Variants in PRIM2 observed in about 807,000 individuals in gnomAD.
PRIM2 encodes the protein DNA primase large subunit.
In PRIM2, 39 loss-of-function variants were observed where a neutral mutation model predicts 67.3. The observed-to-expected ratio is 0.58, with a 90% CI of 0.45 to 0.76. The LOEUF is 0.76. Ranked by LOEUF, PRIM2 falls within the 30% of genes least tolerant of loss-of-function variation. The probability of loss-of-function intolerance (pLI) is 0.00; values close to 1 mark genes in which losing one functional copy is unlikely to be tolerated. For missense variants in PRIM2, 398 were observed against 598.7 expected (o/e 0.66, Z 3.50); for synonymous variants, 143 against 198.7 (o/e 0.72, Z 2.36).
chr6:57,457,053 C>A (rs1282281784), intron 7 of PRIM2, among the ~76,000 whole-genome samples: 1 of 152,212 alleles, frequency 6.6e-6, no homozygotes, highest in Non-Finnish European at 1.5e-5. Context: ...TGGAGGTCCA[C>A]TCCAGACCCT....
intron 7 of PRIM2, among the ~76,000 whole-genome samples, chr6:57,502,146 C>T (rs1476043305): frequency 6.6e-6 from 1 of 151,996 alleles, no homozygotes. Flanking sequence ...AATTTTAAGC[C>T]CCCCAGCCAA....
At chr6:57,587,813 A>G (rs1259280540) in intron 10 of PRIM2, among the ~76,000 whole-genome samples, 1 of 152,050 alleles carries the variant, frequency 6.6e-6, no homozygotes, top group African/African-American at 2.4e-5. Flanking sequence ...GATAGATCCT[A>G]GGAAGGAACT....
the PRIM2 span, among the ~76,000 whole-genome samples, chr6:57,308,932 T>C: frequency 1.3e-5 from 2 of 150,002 alleles, no homozygotes; most frequent in African/African-American, 2.5e-5. Flanking sequence ...GTTTTTTTGT[T>C]TGTTTATTTT....
Position 57,474,878 on chromosome 6 carries a change from A to G in PRIM2, c.694-32509A>G, listed in dbSNP as rs1167107214. On this transcript the variant is annotated intron_variant, in intron 7 of 13. Transcript: ENST00000615550. ...TTTTCTCCTACCTCTGTGCACTTCA[A>G]TGCTGACACTGGCATAGAACTCCTG... is the stretch of plus-strand genomic sequence containing the variant. 3.0e-4 allele frequency among the ~76,000 whole-genome samples: 46 copies of G among 152,334 alleles called. 1 individual carries two copies. Among genetic ancestry groups the G allele is most frequent in the Admixed American group, 9.8e-4 (15 of 15,300 alleles).
chr6:57,267,511 T>C, the PRIM2 span, among the ~76,000 whole-genome samples: 1 of 152,068 alleles, frequency 6.6e-6, no homozygotes, highest in Non-Finnish European at 1.5e-5. Context: ...GTACTAATAT[T>C]ATCACTTTCT....
intron 7 of PRIM2, among the ~76,000 whole-genome samples, chr6:57,445,472 A>G (rs1378019510): frequency 1.3e-5 from 2 of 152,118 alleles, no homozygotes; most frequent in African/African-American, 4.8e-5. Flanking sequence ...AATTTTCTGT[A>G]TGTAGACCTC....
chr6:57,646,250 G>A lies in PRIM2; in HGVS notation c.*92G>A. 1.6e-6 allele frequency: 1 copy of A among 638,062 alleles called. No homozygotes were observed. Among genetic ancestry groups the A allele is most frequent in the Non-Finnish European group, 2.8e-6 (1 of 361,702 alleles). The allele number at this position is 638,062 out of a possible 1,614,324, so 39.5% of individuals were successfully genotyped here. Reference sequence around the variant, plus strand: ...AAAAAGGGTTTCACTCTGTCACCAAGGCTTAGTGCAGTGACACAATTACAG... The same window carrying A: ...AAAAAGGGTTTCACTCTGTCACCAAAGCTTAGTGCAGTGACACAATTACAG... On this transcript the variant is annotated 3_prime_UTR_variant, in exon 14 of 14. Transcript: ENST00000615550.
chr6:57,433,537 G>C (rs1253406295), intron 7 of PRIM2, among the ~76,000 whole-genome samples: 1 of 152,008 alleles, frequency 6.6e-6, no homozygotes, highest in South Asian at 2.1e-4. Flanking sequence ...GTCCACTTTC[G>C]GAATCCTTAG....
intron 7 of PRIM2, among the ~76,000 whole-genome samples, chr6:57,438,767 T>A (rs1308437539): frequency 6.7e-6 from 1 of 149,526 alleles, no homozygotes; most frequent in African/African-American, 2.5e-5. Context: ...GTTTTCGGCA[T>A]TTTTTTTTTC....
At chr6:57,358,174 A>G (rs1158343626) in intron 5 of PRIM2, among the ~76,000 whole-genome samples, 27 of 152,228 alleles carry the variant, frequency 1.8e-4, no homozygotes, top group African/African-American at 6.3e-4. Context: ...GTTTGTTCTT[A>G]GTTTGTGCTA....
At chr6:57,489,255 T>A (rs1396748867) in intron 7 of PRIM2, among the ~76,000 whole-genome samples, 1 of 152,260 alleles carries the variant, frequency 6.6e-6, no homozygotes, top group Non-Finnish European at 1.5e-5. Context: ...TGTGGTGTTT[T>A]AAAAGTGTTA....
At chr6:57,345,083 C>G (rs999976385) in intron 5 of PRIM2, among the ~76,000 whole-genome samples, 2 of 147,348 alleles carry the variant, frequency 1.4e-5, no homozygotes, top group African/African-American at 5.1e-5. Context: ...AAAAGTATGT[C>G]TTTAAATGAG....
At chr6:57,367,939 C>T (rs62417966) in intron 5 of PRIM2, among the ~76,000 whole-genome samples, 4 of 152,304 alleles carry the variant, frequency 2.6e-5, no homozygotes, top group East Asian at 1.9e-4. Flanking sequence ...TAGCTCTCAA[C>T]GGAGGATGTG....
At chr6:57,601,032 C>G in intron 10 of PRIM2, 61 bp from the exon 11 acceptor site, 1 of 1,453,842 alleles carries the variant, frequency 6.9e-7, no homozygotes, top group Non-Finnish European at 9.3e-7. Context: ...GCTTGTGTTG[C>G]TGACCTCACT....
intron 7 of PRIM2, among the ~76,000 whole-genome samples, chr6:57,455,342 G>T (rs1772727018): frequency 6.6e-6 from 1 of 152,174 alleles, no homozygotes; most frequent in Non-Finnish European, 1.5e-5. Flanking sequence ...GGATATCCTT[G>T]TTAACTTTCT....
At chr6:57,224,361 C>T in the PRIM2 span, among the ~76,000 whole-genome samples, 1 of 152,038 alleles carries the variant, frequency 6.6e-6, no homozygotes, top group African/African-American at 2.4e-5. Context: ...CTGTATGATT[C>T]AACTTATATA....
intron 7 of PRIM2, among the ~76,000 whole-genome samples, chr6:57,441,612 G>A (rs1405852103): frequency 2.6e-5 from 4 of 152,040 alleles, no homozygotes; most frequent in South Asian, 2.1e-4. Flanking sequence ...CACTTAAGTC[G>A]GGAAATTAAT....
At chr6:57,639,250 G>A (rs1465539188) in intron 13 of PRIM2, among the ~76,000 whole-genome samples, 3 of 152,078 alleles carry the variant, frequency 2.0e-5, no homozygotes, top group Non-Finnish European at 4.4e-5. Flanking sequence ...CATAGCCAAG[G>A]CAGTGTTTAG....
intron 12 of PRIM2, among the ~76,000 whole-genome samples, chr6:57,629,671 A>G (rs1297214607): frequency 1.3e-5 from 2 of 150,832 alleles, no homozygotes; most frequent in Admixed American, 1.3e-4. Flanking sequence ...TCCTGTAATG[A>G]GCTCCCTGTT....
Sources: gnomAD v4.1 joint callset for allele counts (sites outside exome capture counted in the v4.1 genomes callset) on GRCh38, gnomAD v4.1.1 for gene constraint, MANE v1.5 for transcripts, NCBI Gene and HGNC (gene_info 2026-07-23, HGNC 2026-07-21) for gene names.